Variants in PHTF2 observed in about 807,000 individuals in gnomAD.
PHTF2 encodes putative homeodomain transcription factor 2.
In PHTF2, 60 loss-of-function variants were observed where a neutral mutation model predicts 101.2. The observed-to-expected ratio is 0.59, with a 90% CI of 0.48 to 0.73. PHTF2 has a LOEUF of 0.73. Ranked by LOEUF, PHTF2 falls within the 30% of genes least tolerant of loss-of-function variation. The pLI is 0.00. For synonymous variants in PHTF2, 311 were observed against 307.3 expected, an observed-to-expected ratio of 1.01 and a Z score of -0.13; for missense variants, 747 against 908.7, an observed-to-expected ratio of 0.82 and a Z score of 2.29.
intron 13 of PHTF2, among the ~76,000 whole-genome samples, chr7:77,939,824 T>A (rs1204136488): frequency 6.6e-6 from 1 of 152,176 alleles, no homozygotes; most frequent in African/African-American, 2.4e-5. Context: ...CTTAGTAAAT[T>A]AGCGATCTGA....
chr7:77,928,787 C>T (rs976556859), intron 11 of PHTF2, among the ~76,000 whole-genome samples: 2 of 152,100 alleles, frequency 1.3e-5, no homozygotes, highest in African/African-American at 4.8e-5. Context: ...CCGTGCAGAC[C>T]GTATGAACTT....
intron 11 of PHTF2, among the ~76,000 whole-genome samples, chr7:77,927,810 A>G (rs1804200078): frequency 6.6e-6 from 1 of 152,228 alleles, no homozygotes; most frequent in Non-Finnish European, 1.5e-5. Context: ...CAAAGCAAAG[A>G]ACAAGCCATG....
At chr7:77,814,762 G>A (rs533211349) in intron 1 of PHTF2, among the ~76,000 whole-genome samples, 25 of 151,980 alleles carry the variant, frequency 1.6e-4, no homozygotes, top group South Asian at 4.2e-4. Context: ...CACCGCGCCC[G>A]GTCTGGGGGG....
intron 13 of PHTF2, among the ~76,000 whole-genome samples, chr7:77,938,635 G>A (rs1805366248): frequency 6.6e-6 from 1 of 152,058 alleles, no homozygotes; most frequent in Non-Finnish European, 1.5e-5. Flanking sequence ...AAATTAGCCG[G>A]GCGTGGTGGC....
Position 77,893,634 on chromosome 7 carries a change from G to A in PHTF2, c.174G>A (p.Trp58Ter). ...TTGGAGCATATGATCAACAAATATG[G>A]GAAAAATCTGTTGAACAGAGAGAAA... Residue 58 changes from tryptophan (W) to a stop codon, truncating the protein, a stop_gained, in exon 4 of 20, where the codon TGG becomes TGA. Transcript: ENST00000416283. LOFTEE classifies it high-confidence loss of function. The A allele has an allele frequency of 7.0e-7, 1 of 1,436,372 alleles. No individual in the cohort carries two copies. Among genetic ancestry groups the A allele is most frequent in the Non-Finnish European group, 9.7e-7 (1 of 1,031,896 alleles). 89.0% of individuals were successfully genotyped at this position (1,436,372 alleles called of 1,614,324 possible).
rs1050799047 is a variant in PHTF2 at position 77,943,230 on chromosome 7, C to T, written c.1959+444C>T. Among the ~76,000 whole-genome samples the T allele has an allele frequency of 4.9e-4, 74 of 152,332 alleles. 1 individual carries two copies. The highest frequency in any genetic ancestry group is 4.1e-4 in the South Asian group (2 of 4,824). On this transcript the variant is annotated intron_variant, in intron 16 of 19. Transcript: ENST00000416283. ...CCGCCTCCCGGGTTCACGCCATTCT[C>T]CTGCCTCAGCCTCCTGAGTAGCTGG...
chr7:77,867,436 T>A (rs904066732), intron 3 of PHTF2, among the ~76,000 whole-genome samples: 1 of 152,214 alleles, frequency 6.6e-6, no homozygotes, highest in Non-Finnish European at 1.5e-5. Context: ...ACAGCCTAAG[T>A]CTTTATACTG....
chr7:77,909,203 T>G, intron 8 of PHTF2: 1 of 341,554 alleles, frequency 2.9e-6, no homozygotes, highest in Non-Finnish European at 5.3e-6. Context: ...TCATTTATAG[T>G]CACCTAATAT....
chr7:77,940,335 T>G (rs746253137), intron 14 of PHTF2, 33 bp downstream of exon 13: 1 of 1,520,018 alleles, frequency 6.6e-7, no homozygotes, highest in Non-Finnish European at 8.9e-7. Flanking sequence ...AATAAGAATA[T>G]TTTATCGTTT....
intron 1 of PHTF2, among the ~76,000 whole-genome samples, chr7:77,800,624 A>G (rs552517223): frequency 2.0e-5 from 3 of 152,282 alleles, no homozygotes; most frequent in South Asian, 2.1e-4. Flanking sequence ...GGCCCACCCA[A>G]TTTTTAAACC....
chr7:77,949,884 G>A (rs1806390159), intron 17 of PHTF2, 51 bp downstream of exon 16: 3 of 965,140 alleles, frequency 3.1e-6, no homozygotes, highest in Admixed American at 6.5e-5. Context: ...AAGTTAAAAT[G>A]TTTTCATTTC....
rs147953265 is a variant in PHTF2 at position 77,808,859 on chromosome 7, A to G, written c.-36+9888A>G. ...GTTTCCACTCTTTCGGGGATGTGCTATCAGTTACCCAATATCTGAAAATGT... is the reference window on the plus strand; with the variant it reads ...GTTTCCACTCTTTCGGGGATGTGCTGTCAGTTACCCAATATCTGAAAATGT... On this transcript the variant is annotated intron_variant, in intron 1 of 19. Coordinates refer to ENST00000416283, the Ensembl canonical transcript of PHTF2. 1.5e-3 allele frequency among the ~76,000 whole-genome samples: 223 copies of G among 152,278 alleles called. 1 individual carries two copies. The highest frequency in any genetic ancestry group is 5.1e-3 in the African/African-American group (214 of 41,554).
intron 12 of PHTF2, among the ~76,000 whole-genome samples, chr7:77,932,613 A>AGTGT (rs1804693461): frequency 9.0e-6 from 1 of 111,682 alleles, no homozygotes; most frequent in Non-Finnish European, 1.9e-5. Context: ...AGAGAGAGAG[A>AGTGT]GAGAGAGAGT....
At chr7:77,883,508 C>G (rs147231642) in intron 3 of PHTF2, among the ~76,000 whole-genome samples, 1 of 151,806 alleles carries the variant, frequency 6.6e-6, no homozygotes, top group Non-Finnish European at 1.5e-5. Context: ...TCTTTTTTAC[C>G]AAATTTATAG....
At chr7:77,841,059 T>C (rs1022091194) in intron 2 of PHTF2, among the ~76,000 whole-genome samples, 1 of 124,510 alleles carries the variant, frequency 8.0e-6, no homozygotes, top group Non-Finnish European at 1.7e-5. Context: ...TTTTCTTATA[T>C]AGGAGAAAAA....
intron 1 of PHTF2, among the ~76,000 whole-genome samples, chr7:77,812,885 A>G (rs1793558966): frequency 1.3e-5 from 2 of 152,166 alleles, no homozygotes; most frequent in Admixed American, 6.6e-5. Flanking sequence ...CACAGCACCC[A>G]GCCAATAATG....
chr7:77,927,195 T>TACACAC (rs1434065287), intron 11 of PHTF2, among the ~76,000 whole-genome samples: 3 of 78,548 alleles, frequency 3.8e-5, no homozygotes, highest in Admixed American at 1.5e-4. Flanking sequence ...TATATATATA[T>TACACAC]ACATACACAC....
chr7:77,856,544 T>TG (rs1182467699), intron 3 of PHTF2, among the ~76,000 whole-genome samples: 1 of 152,024 alleles, frequency 6.6e-6, no homozygotes, highest in African/African-American at 2.4e-5. Context: ...TTTGTAAAGA[T>TG]GGGGTCTTGC....
intron 11 of PHTF2, chr7:77,924,068 T>C (rs1344781070): frequency 9.4e-6 from 9 of 959,856 alleles, no homozygotes; most frequent in Non-Finnish European, 1.1e-5. Context: ...GACTAGGTGA[T>C]ATTTTAAAAG....
Sources: gnomAD v4.1 joint callset for allele counts (sites outside exome capture counted in the v4.1 genomes callset) on GRCh38, gnomAD v4.1.1 for gene constraint, MANE v1.5 for transcripts, NCBI Gene and HGNC (gene_info 2026-07-23, HGNC 2026-07-21) for gene names.